Variants in SAMHD1 observed in about 807,000 individuals in gnomAD.
The protein encoded by SAMHD1 is SAM and HD domain containing deoxynucleoside triphosphate triphosphohydrolase 1, also known as deoxynucleoside triphosphate triphosphohydrolase SAMHD1.
Under a neutral mutation model 79.6 loss-of-function variants are expected in SAMHD1, and 54 were observed. That is an observed-to-expected ratio of 0.68 (90% CI 0.55 to 0.85). The LOEUF (loss-of-function observed/expected upper bound fraction) is 0.85, where lower values mean the gene tolerates loss of function less well. Ranked by LOEUF, SAMHD1 falls within the 40% of genes least tolerant of loss-of-function variation. SAMHD1 has a pLI of 0.00. For missense variants in SAMHD1, 663 were observed against 782.7 expected, an observed-to-expected ratio of 0.85 and a Z score of 1.82; for synonymous variants, 260 against 264.1, an observed-to-expected ratio of 0.98 and a Z score of 0.15.
At chr20:36,932,315 C>T (rs1460552805) in intron 4 of SAMHD1, among the ~76,000 whole-genome samples, 1 of 132,242 alleles carries the variant, frequency 7.6e-6, no homozygotes, top group African/African-American at 2.9e-5. Context: ...TGCGCCATTG[C>T]ACTCCAGCCT....
intron 3 of SAMHD1, among the ~76,000 whole-genome samples, chr20:36,936,362 T>C (rs1368419448): frequency 6.6e-6 from 1 of 152,150 alleles, no homozygotes; most frequent in Admixed American, 6.6e-5. Context: ...CAGGCTGCAG[T>C]GCGTTGGCTA....
intron 5 of SAMHD1, among the ~76,000 whole-genome samples, chr20:36,930,012 C>A (rs1209348009): frequency 2.0e-5 from 3 of 149,284 alleles, no homozygotes. Flanking sequence ...ATAGCTTGAG[C>A]CTAGGAGTTC....
chr20:36,899,537 T>G (rs1321380358), intron 13 of SAMHD1, among the ~76,000 whole-genome samples: 1 of 152,022 alleles, frequency 6.6e-6, no homozygotes, highest in Non-Finnish European at 1.5e-5. Flanking sequence ...AAGCAAAGGG[T>G]GCTTTGAAAT....
At position 36,935,147 on chromosome 20, in the gene SAMHD1, G is replaced by A; in HGVS notation, c.391C>T (p.Leu131Phe). Reference sequence around the variant, plus strand: ...GGTGTATCAATGATTCGGACGAGGAGAGGGTGGAGCTCAATGTGGCCATGG... The same window carrying A: ...GGTGTATCAATGATTCGGACGAGGAAAGGGTGGAGCTCAATGTGGCCATGG... ...PIHGHIELHP[L>F]LVRIIDTPQF... The change falls in exon 4 of 16, where the codon CTC becomes TTC. Residue 131 changes from leucine (L) to phenylalanine (F), a missense_variant. Coordinates refer to ENST00000646673, the MANE Select transcript of SAMHD1 (RefSeq NM_015474.4). 6.2e-7 allele frequency: 1 copy of A among 1,613,828 alleles called. No homozygotes were observed. Among genetic ancestry groups the A allele is most frequent in the Non-Finnish European group, 8.5e-7 (1 of 1,179,692 alleles).
intron 5 of SAMHD1, among the ~76,000 whole-genome samples, 177 bp downstream of exon 5, chr20:36,930,583 A>G (rs2063562532): frequency 6.6e-6 from 1 of 152,180 alleles, no homozygotes; most frequent in Non-Finnish European, 1.5e-5. Flanking sequence ...TAAAATAGCA[A>G]TGTTTTCTAC....
chr20:36,917,490 A>G (rs891646203), intron 7 of SAMHD1, among the ~76,000 whole-genome samples: 1 of 152,110 alleles, frequency 6.6e-6, no homozygotes, highest in Non-Finnish European at 1.5e-5. Context: ...TGTCTCTACT[A>G]AAAACACAAA....
chr20:36,890,486 C>CA lies in SAMHD1; in HGVS notation c.*2445dup. The CA allele has an allele frequency of 6.8e-6, 1 of 147,726 alleles. No individual in the cohort carries two copies. The highest frequency in any genetic ancestry group is 2.2e-4 in the South Asian group (1 of 4,574). 9.2% of individuals were successfully genotyped at this position (147,726 alleles called of 1,614,324 possible). On this transcript the variant is annotated 3_prime_UTR_variant, in exon 16 of 16. Coordinates refer to ENST00000646673, the MANE Select transcript of SAMHD1 (RefSeq NM_015474.4). ...TTCCTTTCTTTCTTTTTGTTTGAGACAGAGTTTCGCTCTTGACCCCGAGGC... is the reference window on the plus strand; with the variant it reads ...TTCCTTTCTTTCTTTTTGTTTGAGACAAGAGTTTCGCTCTTGACCCCGAGGC...
chr20:36,912,460 C>T lies in SAMHD1; in HGVS notation c.1154+1G>A. ...AGGGAAATGACAATCAAGTTTCTTA[C>T]ATTGTATCAATAATGTTGCCAACTT... is the stretch of plus-strand genomic sequence containing the variant. On this transcript the variant is annotated splice_donor_variant, in intron 10 of 15. Transcript: ENST00000646673. LOFTEE classifies it high-confidence loss of function. 6.3e-7 allele frequency: 1 copy of T among 1,594,468 alleles called. No homozygotes were observed. The highest frequency in any genetic ancestry group is 8.6e-7 in the Non-Finnish European group (1 of 1,162,226).
rs1404163721 is a variant in SAMHD1, at chr20:36,919,541, T to A, written c.697-22A>T. 1.9e-6 allele frequency: 3 copies of A among 1,611,958 alleles called. No individual in the cohort carries two copies. In the Admixed American group the frequency reaches 5.0e-5, roughly 27 times the overall value. Reference sequence around the variant, plus strand: ...CATGCTAGGAAAAGTAAGCACAATATGATGTGTTAAAGATTCTAGCCCATT... The same window carrying A: ...CATGCTAGGAAAAGTAAGCACAATAAGATGTGTTAAAGATTCTAGCCCATT... On this transcript the variant is annotated intron_variant, in intron 6 of 15. Transcript: ENST00000646673.
At chr20:36,901,350 G>A (rs1291147) in intron 13 of SAMHD1, among the ~76,000 whole-genome samples, 118,243 of 152,126 alleles carry the variant, frequency 0.78, 46,703 homozygotes, top group Middle Eastern at 0.89. Flanking sequence ...TTTTTGGTAC[G>A]GATGGGGTTT....
chr20:36,912,889 G>GTTTTTTTTTTTTTTTTTTTTTTTTTT (rs71186089), intron 9 of SAMHD1, among the ~76,000 whole-genome samples: 1 of 41,104 alleles, frequency 2.4e-5, no homozygotes, highest in African/African-American at 1.0e-4. Flanking sequence ...TTCATTCTTT[G>GTTTTTTTTTTTTTTTTTTTTTTTTTT]TTTTTTTTTT....
At position 36,946,713 on chromosome 20, in the gene SAMHD1, C is replaced by T. The variant is rs771713848; in HGVS notation, c.275+25G>A. The T allele has an allele frequency of 2.4e-5, 38 of 1,576,830 alleles. No individual in the cohort carries two copies. In the Admixed American group the frequency reaches 3.1e-4, roughly 13 times the overall value. The stretch of plus-strand genomic sequence containing the variant: ...ATGGATAAAGTGTGTTTGGTTATAA[C>T]GTGAATTTATTTCTTCATTCTTACC... On this transcript the variant is annotated intron_variant, in intron 2 of 15. Coordinates refer to ENST00000646673, the MANE Select transcript of SAMHD1 (RefSeq NM_015474.4).
At chr20:36,901,148 G>A (rs117240410) in intron 13 of SAMHD1, among the ~76,000 whole-genome samples, 1 of 152,170 alleles carries the variant, frequency 6.6e-6, no homozygotes, top group African/African-American at 2.4e-5. Flanking sequence ...AAAAAGAGGA[G>A]AGGGGAAGAG....
chr20:36,898,535 T>C lies in SAMHD1; in HGVS notation c.1513A>G (p.Met505Val), dbSNP rs1990240880. Residue 505 changes from methionine (M) to valine (V), a missense_variant, in exon 14 of 16, where the codon ATG becomes GTG. By Grantham distance (21) the Met-to-Val change is conservative (BLOSUM62 1). Transcript: ENST00000646673. Reference protein sequence around the residue: ...AEDFIVDVINMDYGMQEKNPI... With the variant: ...AEDFIVDVINVDYGMQEKNPI... ...TTCTTTTCTTGCATTCCATAATCCA[T>C]GTTGATAACCTAAATAAAAGCAATT... 3.7e-6 allele frequency: 6 copies of C among 1,612,648 alleles called. No homozygotes were observed. The highest frequency in any genetic ancestry group is 5.1e-6 in the Non-Finnish European group (6 of 1,178,884).
chr20:36,922,148 C>T (rs1370012236), intron 6 of SAMHD1, among the ~76,000 whole-genome samples: 1 of 152,080 alleles, frequency 6.6e-6, no homozygotes, highest in Non-Finnish European at 1.5e-5. Context: ...AAGAATTGCT[C>T]CAGATCAAAA....
intron 3 of SAMHD1, among the ~76,000 whole-genome samples, chr20:36,939,435 A>G (rs112203778): frequency 1.5e-4 from 23 of 151,946 alleles, no homozygotes; most frequent in African/African-American, 5.6e-4. Flanking sequence ...TTTACTAAAA[A>G]AAATACAAAA....
At chr20:36,946,412 C>CAAA (rs747820850) in intron 2 of SAMHD1, 160 of 195,726 alleles carry the variant, frequency 8.2e-4, no homozygotes, top group Middle Eastern at 1.9e-3. Flanking sequence ...GACTCTGTCT[C>CAAA]AAAAAAAAAA....
chr20:36,896,364 G>A (rs573359600), intron 15 of SAMHD1, among the ~76,000 whole-genome samples: 13 of 152,144 alleles, frequency 8.5e-5, no homozygotes, highest in Admixed American at 1.3e-4. Flanking sequence ...TTATTCCCAC[G>A]GGTGTCACTC....
At chr20:36,928,327 T>G (rs1036518775) in intron 5 of SAMHD1, among the ~76,000 whole-genome samples, 1 of 151,392 alleles carries the variant, frequency 6.6e-6, no homozygotes, top group Admixed American at 6.6e-5. Flanking sequence ...AAGCGGAGCT[T>G]GCAGTGAGCC....
Sources: allele counts gnomAD v4.1 joint callset (sites outside exome capture counted in the v4.1 genomes callset), GRCh38; gene constraint gnomAD v4.1.1; transcripts MANE v1.5; gene names NCBI Gene and HGNC (gene_info 2026-07-23, HGNC 2026-07-21).